Variants in HMCN2 observed in about 807,000 individuals in gnomAD.
The protein encoded by HMCN2 is hemicentin-2.
A neutral mutation model predicts 377.5 loss-of-function variants in HMCN2; 325 were observed. The observed-to-expected ratio is 0.86, with a 90% CI of 0.79 to 0.94. The LOEUF (loss-of-function observed/expected upper bound fraction) is 0.94, where lower values mean the gene tolerates loss of function less well. Among genes scored for constraint, HMCN2 ranks in the 40% least tolerant of loss-of-function variants. HMCN2 has a pLI of 0.00. For missense variants in HMCN2, 4,543 were observed against 4,725.3 expected, an observed-to-expected ratio of 0.96 and a Z score of 1.13; for synonymous variants, 2,007 against 2,046.8, an observed-to-expected ratio of 0.98 and a Z score of 0.53.
Position 130,431,287 on chromosome 9 carries a change from T to C in HMCN2, c.14648-80T>C, listed in dbSNP as rs1050561763. 1.1e-5 allele frequency: 15 copies of C among 1,384,018 alleles called. No individual in the cohort carries two copies. In the African/African-American group the frequency reaches 1.9e-4, roughly 17 times the overall value. 85.7% of individuals were successfully genotyped at this position (1,384,018 alleles called of 1,614,324 possible). A position where few individuals can be genotyped will look rare whatever the true frequency, so the allele number is the denominator to read the frequency against. Reference sequence around the variant, plus strand: ...AGCTCCAGAGCCCAGCGGGCAGGTGTGTGGCCACGTTGGTGTCTGTGGCTC... The same window carrying C: ...AGCTCCAGAGCCCAGCGGGCAGGTGCGTGGCCACGTTGGTGTCTGTGGCTC... On this transcript the variant is annotated intron_variant, in intron 95 of 97. Transcript: ENST00000683500.
chr9:130,311,474 C>T (rs897730344), intron 15 of HMCN2, among the ~76,000 whole-genome samples: 3 of 152,140 alleles, frequency 2.0e-5, no homozygotes, highest in Admixed American at 6.5e-5. Context: ...GGACACAGGG[C>T]AGGTGAGACA....
chr9:130,333,228 A>G lies in HMCN2; in HGVS notation c.3360-4666A>G, dbSNP rs951592320. 7.1e-3 allele frequency among the ~76,000 whole-genome samples: 1,088 copies of G among 152,318 alleles called. 15 individuals carry two copies. The highest frequency in any genetic ancestry group is 0.025 in the African/African-American group (1,034 of 41,580). On this transcript the variant is annotated intron_variant, in intron 22 of 97. Coordinates refer to ENST00000683500, the MANE Select transcript of HMCN2 (RefSeq NM_001291815.2). Reference sequence around the variant, plus strand: ...CCTCACGGAGCCATCAGACAGCGTAATGACAGGCGTGGTAAACTGCAGAGT... The same window carrying G: ...CCTCACGGAGCCATCAGACAGCGTAGTGACAGGCGTGGTAAACTGCAGAGT...
chr9:130,431,155 G>A (rs927218902), intron 95 of HMCN2: 85 of 595,774 alleles, frequency 1.4e-4, no homozygotes, highest in Admixed American at 6.3e-4. Context: ...ATGCCTTGGT[G>A]AGCACGGGGT....
At chr9:130,292,749 T>C (rs1835855021) in intron 4 of HMCN2, among the ~76,000 whole-genome samples, 1 of 152,226 alleles carries the variant, frequency 6.6e-6, no homozygotes, top group Admixed American at 6.5e-5. Flanking sequence ...CCTTTTGATA[T>C]GTCCCTATTT....
Position 130,425,259 on chromosome 9 carries a change from C to T in HMCN2, c.13641+129C>T, listed in dbSNP as rs555168054. The T allele has an allele frequency of 7.3e-5, 81 of 1,106,880 alleles. 3 individuals are homozygous for T. The Middle Eastern group carries it at 2.5e-3, about 34-fold the overall frequency. 68.6% of individuals were successfully genotyped at this position (1,106,880 alleles called of 1,614,324 possible). A position where few individuals can be genotyped will look rare whatever the true frequency, so the allele number is the denominator to read the frequency against. On this transcript the variant is annotated intron_variant, in intron 89 of 97. Coordinates refer to ENST00000683500, the MANE Select transcript of HMCN2 (RefSeq NM_001291815.2). The stretch of plus-strand genomic sequence containing the variant: ...CAGCGCTGCAGGGCTGGGTCACAGT[C>T]TAGCCTTGGACTTAGGGTAGGATGA...
chr9:130,294,159 G>C (rs2131309620), intron 4 of HMCN2, among the ~76,000 whole-genome samples: 1 of 152,272 alleles, frequency 6.6e-6, no homozygotes, highest in East Asian at 1.9e-4. Flanking sequence ...ATCTCTGAGG[G>C]AGTTTGGGAA....
intron 22 of HMCN2, among the ~76,000 whole-genome samples, chr9:130,328,738 C>T (rs1170141005): frequency 2.6e-5 from 4 of 152,190 alleles, no homozygotes; most frequent in African/African-American, 9.7e-5. Flanking sequence ...CATGCAACCT[C>T]GGGTGGCCAC....
In HMCN2 at chr9:130,368,270, A is replaced by G; in HGVS notation, c.6626-6A>G. 2.2e-5 allele frequency: 22 copies of G among 985,472 alleles called. No individual in the cohort carries two copies. The highest frequency in any genetic ancestry group is 2.3e-5 in the Non-Finnish European group (19 of 829,842). 61.0% of individuals were successfully genotyped at this position (985,472 alleles called of 1,614,324 possible). A position where few individuals can be genotyped will look rare whatever the true frequency, so the allele number is the denominator to read the frequency against. ...GGACCAGGAGTTTCTTTTTTCCTGC[A>G]CCCAGGTCAACCCCTCCCCGGGGAG... is the stretch of plus-strand genomic sequence containing the variant. On this transcript the variant is annotated splice_polypyrimidine_tract_variant and splice_region_variant and intron_variant, in intron 43 of 97. Coordinates refer to ENST00000683500, the MANE Select transcript of HMCN2 (RefSeq NM_001291815.2).
At chr9:130,363,559 C>T (rs758334701) in intron 40 of HMCN2, among the ~76,000 whole-genome samples, 4 of 152,134 alleles carry the variant, frequency 2.6e-5, no homozygotes, top group South Asian at 2.1e-4. Flanking sequence ...TGGTGGCTCA[C>T]GCCTGTAATC....
intron 89 of HMCN2, 104 bp downstream of exon 89, chr9:130,425,234 C>T (rs981259290): frequency 7.0e-6 from 9 of 1,276,656 alleles, no homozygotes; most frequent in Non-Finnish European, 9.5e-6. Context: ...TCCCTTCTGA[C>T]AGCGCTGCAG....
intron 24 of HMCN2, among the ~76,000 whole-genome samples, chr9:130,342,054 A>AATAAATAAATAAATAAATAAAT (rs1241504109): frequency 2.6e-4 from 39 of 151,050 alleles, no homozygotes; most frequent in Middle Eastern, 3.4e-3. Flanking sequence ...TAAATAAATA[A>AATAAATAAATAAATAAATAAAT]ATAAATAAAA....
At chr9:130,352,298 A>G (rs557193967) in intron 30 of HMCN2, among the ~76,000 whole-genome samples, 5 of 152,338 alleles carry the variant, frequency 3.3e-5, no homozygotes, top group Admixed American at 3.3e-4. Context: ...AACACACCCC[A>G]TAGAGCAATG....
chr9:130,289,506 C>A (rs1270411361), intron 4 of HMCN2, among the ~76,000 whole-genome samples: 1 of 152,150 alleles, frequency 6.6e-6, no homozygotes, highest in African/African-American at 2.4e-5. Context: ...GCAGCCCTGC[C>A]ACTTACCTGC....
chr9:130,274,959 A>G (rs1309587242), intron 1 of HMCN2, among the ~76,000 whole-genome samples: 1 of 152,240 alleles, frequency 6.6e-6, no homozygotes, highest in Non-Finnish European at 1.5e-5. Context: ...ATATCTACAG[A>G]ATAGATTCCC....
chr9:130,414,387 G>A lies in HMCN2; in HGVS notation c.12961+3735G>A, dbSNP rs996045179. Among the ~76,000 whole-genome samples the A allele has an allele frequency of 5.3e-5, 8 of 152,180 alleles. No individual in the cohort carries two copies. The highest frequency in any genetic ancestry group is 1.9e-4 in the East Asian group (1 of 5,192). On this transcript the variant is annotated intron_variant, in intron 85 of 97. Coordinates refer to ENST00000683500, the MANE Select transcript of HMCN2 (RefSeq NM_001291815.2). The surrounding 1 kb of genome is among the most constrained non-coding windows in gnomAD (Gnocchi z 4.4). ...CCTCATAGGGAACCTGGGCTTCCACGCTGACCTGGCGGAAGTGAGTGGCAC... is the reference window on the plus strand; with the variant it reads ...CCTCATAGGGAACCTGGGCTTCCACACTGACCTGGCGGAAGTGAGTGGCAC...
rs959871306 is a variant in HMCN2, at chr9:130,338,006, G to A, written c.3472G>A (p.Val1158Ile). Residue 1158 changes from valine to isoleucine, a missense_variant, in exon 23 of 98, where the codon GTC becomes ATC. By Grantham distance (29) the Val-to-Ile change is conservative. Transcript: ENST00000683500. ...NPAGSASHRY[V>I]LGVQVPPQVQ... ...CGCCGGGTCCGCCTCCCATCGCTAC[G>A]TCCTTGGGGTGCAAGGTAGGACCAG... The A allele has an allele frequency of 2.0e-5, 3 of 152,498 alleles. No individual in the cohort carries two copies. Among genetic ancestry groups the A allele is most frequent in the African/African-American group, 7.2e-5 (3 of 41,390 alleles). 9.4% of individuals were successfully genotyped at this position (152,498 alleles called of 1,614,324 possible).
At chr9:130,388,058 C>T (rs1336425980) in intron 61 of HMCN2, among the ~76,000 whole-genome samples, 7 of 152,144 alleles carry the variant, frequency 4.6e-5, no homozygotes, top group Non-Finnish European at 1.0e-4. Flanking sequence ...TCATCTTGAG[C>T]CTGGTTGACT....
chr9:130,393,205 G>C lies in HMCN2; in HGVS notation c.10137-7G>C, dbSNP rs1031018877. 5.1e-6 allele frequency: 5 copies of C among 987,850 alleles called. No individual in the cohort carries two copies. The highest frequency in any genetic ancestry group is 6.0e-6 in the Non-Finnish European group (5 of 830,188). The allele number at this position is 987,850 out of a possible 1,614,324, so 61.2% of individuals were successfully genotyped here. On this transcript the variant is annotated splice_region_variant and splice_polypyrimidine_tract_variant and intron_variant, in intron 66 of 97. Transcript: ENST00000683500. The surrounding 1 kb of genome is among the most constrained non-coding windows in gnomAD (Gnocchi z 5.2). ...TCTCCTTCTCCCTCTCCTCTCGGGG[G>C]ATTCAGGATTTCCAAGGTGCAATTG...
In HMCN2 at chr9:130,410,587, G is replaced by C; in HGVS notation, c.12896G>C (p.Arg4299Pro). The change falls in exon 85 of 98, where the codon CGG (arginine) becomes CCG (proline). Residue 4299 changes from arginine (R) to proline (P), a missense_variant. By Grantham distance (103) the Arg-to-Pro change is moderately radical. Coordinates refer to ENST00000683500, the MANE Select transcript of HMCN2 (RefSeq NM_001291815.2). ...IRRTERDDAG[R>P]YQCLAENEMG... ...CACTTGCAGAGGGACGATGCGGGAC[G>C]GTACCAGTGCCTGGCAGAGAATGAG... 1.9e-6 allele frequency: 3 copies of C among 1,550,580 alleles called. No individual in the cohort carries two copies. Among genetic ancestry groups the C allele is most frequent in the Non-Finnish European group, 2.6e-6 (3 of 1,146,996 alleles).
Sources: gnomAD v4.1 joint callset for allele counts (sites outside exome capture counted in the v4.1 genomes callset) on GRCh38, gnomAD v4.1.1 for gene constraint, Gnocchi (gnomAD v3.1) non-coding constraint, MANE v1.5 for transcripts, NCBI Gene and HGNC (gene_info 2026-07-23, HGNC 2026-07-21) for gene names.